AGBL4: variants seen among roughly 807,000 people sequenced by gnomAD.
The protein encoded by AGBL4 is AGBL carboxypeptidase 4, also known as cytosolic carboxypeptidase 6.
In AGBL4, 58 loss-of-function variants were observed where a neutral mutation model predicts 66.4. The ratio of observed to expected loss-of-function variants is 0.87; its 90% confidence interval spans 0.71 to 1.09. AGBL4 has a LOEUF of 1.09. Among genes scored for constraint, AGBL4 ranks in the 50% least tolerant of loss-of-function variants. AGBL4 has a pLI of 0.00. For synonymous variants in AGBL4, 234 were observed against 222.9 expected, an observed-to-expected ratio of 1.05 and a Z score of -0.44; for missense variants, 579 against 631.0, an observed-to-expected ratio of 0.92 and a Z score of 0.88.
At position 49,274,507 on chromosome 1, in the gene AGBL4, T is replaced by C. The variant is rs374748702; in HGVS notation, c.283-28643A>G. ...GATTATTATGTCAAATTGTATGCCA[T>C]AGAAATAACAAAATCTCATTGTCAA... On this transcript the variant is annotated intron_variant, in intron 3 of 13. Coordinates refer to ENST00000371839, the MANE Select transcript of AGBL4 (RefSeq NM_032785.4). 3.9e-5 allele frequency among the ~76,000 whole-genome samples: 6 copies of C among 152,166 alleles called. No individual in the cohort carries two copies. In the East Asian group the frequency reaches 7.7e-4, roughly 20 times the overall value.
intron 3 of AGBL4, among the ~76,000 whole-genome samples, chr1:49,647,909 T>C (rs1232488396): frequency 2.0e-5 from 3 of 151,082 alleles, no homozygotes; most frequent in Non-Finnish European, 4.4e-5. Flanking sequence ...AGATGTCCTC[T>C]CTTTCCATAT....
Position 49,378,519 on chromosome 1 carries a change from G to A in AGBL4, c.283-132655C>T, listed in dbSNP as rs934948019. Among the ~76,000 whole-genome samples, 13 of 152,124 alleles carry A rather than the reference G, an allele frequency of 8.5e-5. No individual in the cohort carries two copies. In the South Asian group the frequency reaches 1.7e-3, roughly 19 times the overall value. Reference sequence around the variant, plus strand: ...AATGAGAGAGAGAACCCTGGTGAGAGGGAGCAGTGGGTTTCCATGTTTATC... The same window carrying A: ...AATGAGAGAGAGAACCCTGGTGAGAAGGAGCAGTGGGTTTCCATGTTTATC... On this transcript the variant is annotated intron_variant, in intron 3 of 13. Coordinates refer to ENST00000371839, the MANE Select transcript of AGBL4 (RefSeq NM_032785.4).
chr1:48,904,335 T>C (rs1424120183), intron 5 of AGBL4, among the ~76,000 whole-genome samples: 1 of 152,190 alleles, frequency 6.6e-6, no homozygotes, highest in Admixed American at 6.6e-5. Context: ...AGTTAACTTA[T>C]CTATGAAAGA....
rs188990739 is a variant in AGBL4 at position 48,780,807 on chromosome 1, C to G, written c.634+86384G>C. On this transcript the variant is annotated intron_variant, in intron 6 of 13. Coordinates refer to ENST00000371839, the MANE Select transcript of AGBL4 (RefSeq NM_032785.4). ...ATGGATTGAACACTTAAATGTAAGACCTAAAACCATAAAAACTCTAGAAGA... is the reference window on the plus strand; with the variant it reads ...ATGGATTGAACACTTAAATGTAAGAGCTAAAACCATAAAAACTCTAGAAGA... 6.6e-5 allele frequency among the ~76,000 whole-genome samples: 10 copies of G among 152,288 alleles called. No homozygotes were observed. In the East Asian group the frequency reaches 1.4e-3, roughly 21 times the overall value.
At chr1:48,648,580 G>C (rs964887389) in intron 8 of AGBL4, among the ~76,000 whole-genome samples, 19 of 152,162 alleles carry the variant, frequency 1.2e-4, no homozygotes, top group Non-Finnish European at 2.6e-4. Flanking sequence ...ATAGCTTATA[G>C]AGCAAAGGCA....
At chr1:49,747,770 T>A (rs1651100902) in intron 2 of AGBL4, among the ~76,000 whole-genome samples, 1 of 152,306 alleles carries the variant, frequency 6.6e-6, no homozygotes, top group South Asian at 2.1e-4. Context: ...TCGACATATC[T>A]TTCACAGTTC....
At chr1:49,341,607 C>G (rs912467657) in intron 3 of AGBL4, among the ~76,000 whole-genome samples, 5 of 152,156 alleles carry the variant, frequency 3.3e-5, no homozygotes, top group African/African-American at 1.2e-4. Context: ...AGGATGTTAA[C>G]GGCTATTCTC....
At chr1:49,577,943 A>C (rs909371759) in intron 3 of AGBL4, among the ~76,000 whole-genome samples, 3 of 152,166 alleles carry the variant, frequency 2.0e-5, no homozygotes, top group Admixed American at 6.5e-5. Context: ...TCCAGAAATC[A>C]AGGGGTGGAT....
At chr1:49,428,735 G>A (rs883913) in intron 3 of AGBL4, among the ~76,000 whole-genome samples, 9,852 of 152,190 alleles carry the variant, frequency 0.065, 1,017 homozygotes, top group African/African-American at 0.22. Flanking sequence ...CAAAACCTAC[G>A]GTGCCCCATT....
chr1:48,760,771 C>T (rs1165126118), intron 6 of AGBL4, among the ~76,000 whole-genome samples: 1 of 152,124 alleles, frequency 6.6e-6, no homozygotes, highest in Non-Finnish European at 1.5e-5. Context: ...GTATCTACTG[C>T]ACAGAAAAAA....
intron 1 of AGBL4, among the ~76,000 whole-genome samples, chr1:49,993,861 C>A (rs1407709957): frequency 6.6e-6 from 1 of 152,096 alleles, no homozygotes; most frequent in Non-Finnish European, 1.5e-5. Flanking sequence ...GTTGTAAACT[C>A]CTGGGATTTT....
rs563461585 is a variant in AGBL4, at chr1:49,748,844, T to G, written c.158-51407A>C. On this transcript the variant is annotated intron_variant, in intron 2 of 13. Coordinates refer to ENST00000371839, the MANE Select transcript of AGBL4 (RefSeq NM_032785.4). The stretch of plus-strand genomic sequence containing the variant: ...CCGTTCATATCCTTCACCCACATTT[T>G]GATGGGGCTGTTTGTTTTTTTCTTG... Among the ~76,000 whole-genome samples, 10 of 152,310 alleles carry G rather than the reference T, an allele frequency of 6.6e-5. No individual in the cohort carries two copies. In the South Asian group the frequency reaches 2.1e-3, roughly 32 times the overall value.
chr1:48,744,168 A>G (rs1389639088), intron 6 of AGBL4, among the ~76,000 whole-genome samples: 2 of 152,182 alleles, frequency 1.3e-5, no homozygotes, highest in East Asian at 3.9e-4. Context: ...GCACCTCCCA[A>G]TTAGAGGTGC....
intron 5 of AGBL4, among the ~76,000 whole-genome samples, chr1:49,001,537 A>G (rs1661394059): frequency 6.6e-6 from 1 of 152,154 alleles, no homozygotes; most frequent in Non-Finnish European, 1.5e-5. Flanking sequence ...CACTATGGGT[A>G]ACATCACAAA....
intron 3 of AGBL4, among the ~76,000 whole-genome samples, chr1:49,603,527 AAAAT>A (rs59509776): frequency 0.44 from 61,332 of 140,266 alleles, 13,620 homozygotes; most frequent in Middle Eastern, 0.61. Flanking sequence ...TCCATCTCAA[AAAAT>A]AAATAAATAA....
At chr1:48,993,388 C>G (rs1323037394) in intron 5 of AGBL4, among the ~76,000 whole-genome samples, 1 of 152,192 alleles carries the variant, frequency 6.6e-6, no homozygotes, top group African/African-American at 2.4e-5. Context: ...GAACTCTTCT[C>G]TCTTCTCCAG....
At chr1:48,840,962 C>T (rs1570798770) in intron 6 of AGBL4, among the ~76,000 whole-genome samples, 1 of 152,172 alleles carries the variant, frequency 6.6e-6, no homozygotes, top group Admixed American at 6.5e-5. Context: ...ACTATTGATA[C>T]ACACAATTTG....
chr1:48,914,571 T>C (rs1265227333), intron 5 of AGBL4, among the ~76,000 whole-genome samples: 1 of 152,264 alleles, frequency 6.6e-6, no homozygotes, highest in East Asian at 1.9e-4. Context: ...AAAGCTGATG[T>C]GAAGGCAGTT....
chr1:48,677,011 C>T (rs946316211), intron 6 of AGBL4, among the ~76,000 whole-genome samples: 1 of 152,158 alleles, frequency 6.6e-6, no homozygotes, highest in Admixed American at 6.5e-5. Flanking sequence ...CACCATCTGT[C>T]ATAAGAAGGG....
Sources: gnomAD v4.1 joint callset for allele counts (sites outside exome capture counted in the v4.1 genomes callset) on GRCh38, gnomAD v4.1.1 for gene constraint, MANE v1.5 for transcripts, NCBI Gene and HGNC (gene_info 2026-07-23, HGNC 2026-07-21) for gene names.